PSD3: variants seen among roughly 807,000 people sequenced by gnomAD.
PSD3 encodes PH and SEC7 domain-containing protein 3.
Under a neutral mutation model 105.5 loss-of-function variants are expected in PSD3, and 49 were observed. The ratio of observed to expected loss-of-function variants is 0.46; its 90% CI spans 0.37 to 0.59. PSD3 has a LOEUF of 0.59. Among genes scored for constraint, PSD3 ranks in the 20% least tolerant of loss-of-function variants. PSD3 has a pLI of 0.00. For synonymous variants in PSD3, 557 were observed against 457.8 expected (o/e 1.22, Z -2.77); for missense variants, 1,561 against 1,263.8 (o/e 1.24, Z -3.57).
At chr8:18,543,608 ACT>A (rs1194209639) in intron 15 of PSD3, among the ~76,000 whole-genome samples, 1 of 150,812 alleles carries the variant, frequency 6.6e-6, no homozygotes, top group Non-Finnish European at 1.5e-5. Flanking sequence ...ACAGAGCGAG[ACT>A]CTCTCTCAAA....
At chr8:18,989,240 G>A (rs375486695) in intron 1 of PSD3, 1 of 152,242 alleles carries the variant, frequency 6.6e-6, no homozygotes, top group Middle Eastern at 3.4e-3. Flanking sequence ...TTTTGTTCTA[G>A]GACAATTTTT....
intron 1 of PSD3, among the ~76,000 whole-genome samples, chr8:19,072,105 CT>C (rs60783892): frequency 0.66 from 94,275 of 142,396 alleles, 31,096 homozygotes; most frequent in East Asian, 0.91. Flanking sequence ...AATATTTCTT[CT>C]TTTTTTTTTT....
intron 11 of PSD3, among the ~76,000 whole-genome samples, chr8:18,603,727 T>A (rs1167517133): frequency 6.6e-6 from 1 of 152,212 alleles, no homozygotes; most frequent in Non-Finnish European, 1.5e-5. Context: ...TTTAGCACCA[T>A]CCGCTTCTCG....
chr8:18,738,755 C>T (rs980228039), intron 9 of PSD3, among the ~76,000 whole-genome samples: 1 of 152,070 alleles, frequency 6.6e-6, no homozygotes, highest in Non-Finnish European at 1.5e-5. Context: ...ATAGCTTGAA[C>T]TGACTGATCA....
chr8:19,037,144 T>C (rs1827970405), intron 1 of PSD3, among the ~76,000 whole-genome samples: 1 of 152,254 alleles, frequency 6.6e-6, no homozygotes, highest in African/African-American at 2.4e-5. Flanking sequence ...CGCTTAAGCC[T>C]GAGGAATGAT....
intron 1 of PSD3, among the ~76,000 whole-genome samples, chr8:19,006,602 T>C (rs1563504123): frequency 6.6e-6 from 1 of 152,228 alleles, no homozygotes; most frequent in South Asian, 2.1e-4. Context: ...CGAATGTGAC[T>C]GTCTACCTTC....
At chr8:18,587,670 C>A (rs1001404538) in intron 12 of PSD3, among the ~76,000 whole-genome samples, 8 of 152,126 alleles carry the variant, frequency 5.3e-5, no homozygotes, top group Admixed American at 2.0e-4. Flanking sequence ...GCTTAGGGGG[C>A]CTTCTTCAGT....
rs543931809 is a variant in PSD3, at chr8:19,073,419, C to T, written c.324+10787G>A. On this transcript the variant is annotated intron_variant, in intron 1 of 1. Transcript: ENST00000521475. ...TACAAAAATGAGCCCAGCATGGTGG[C>T]ACACCCATGTAATCCCAGCTACTTG... is the stretch of plus-strand genomic sequence containing the variant. Among the ~76,000 whole-genome samples the T allele has an allele frequency of 4.6e-5, 7 of 152,074 alleles. No homozygotes were observed. The East Asian group carries it at 1.4e-3, about 30-fold the overall frequency.
intron 9 of PSD3, among the ~76,000 whole-genome samples, chr8:18,678,912 T>A (rs1369157235): frequency 1.3e-5 from 2 of 151,862 alleles, no homozygotes; most frequent in Admixed American, 1.3e-4. Context: ...ATGTTCAAAC[T>A]CTTGAAAATG....
At chr8:18,989,710 AT>A (rs1341353841) in intron 1 of PSD3, among the ~76,000 whole-genome samples, 2 of 152,186 alleles carry the variant, frequency 1.3e-5, no homozygotes, top group African/African-American at 4.8e-5. Context: ...ATCCTAACAA[AT>A]GGCACTTTTT....
chr8:19,025,140 A>G (rs10113188), intron 1 of PSD3, among the ~76,000 whole-genome samples: 3,298 of 152,250 alleles, frequency 0.022, 128 homozygotes, highest in African/African-American at 0.076. Flanking sequence ...ACCAGACTCA[A>G]CATGGTGCTG....
chr8:18,602,343 TAA>T (rs1343252217), intron 11 of PSD3, among the ~76,000 whole-genome samples: 1 of 152,156 alleles, frequency 6.6e-6, no homozygotes, highest in Admixed American at 6.5e-5. Context: ...AATGTGATTT[TAA>T]AAGTCACCCA....
intron 9 of PSD3, among the ~76,000 whole-genome samples, chr8:18,680,640 G>A (rs934890062): frequency 6.6e-6 from 1 of 152,004 alleles, no homozygotes; most frequent in African/African-American, 2.4e-5. Context: ...CATTATTATC[G>A]AGAAAAAGAC....
rs568745747 is a variant in PSD3, at chr8:18,529,578, T to A, written c.*6165A>T. The stretch of plus-strand genomic sequence containing the variant: ...GGAAAGCAACCACTTTACTGTCCCC[T>A]AAGCTTCAATTTGGTCTAATTACTC... On this transcript the variant is annotated 3_prime_UTR_variant, in exon 16 of 16. Coordinates refer to ENST00000327040, the MANE Select transcript of PSD3 (RefSeq NM_015310.4). The A allele has an allele frequency of 1.9e-4, 29 of 152,734 alleles. No homozygotes were observed. Among genetic ancestry groups the A allele is most frequent in the Admixed American group, 1.8e-3 (27 of 15,292 alleles). The allele number at this position is 152,734 out of a possible 1,614,324, so 9.5% of individuals were successfully genotyped here. A position where few individuals can be genotyped will look rare whatever the true frequency, so the allele number is the denominator to read the frequency against.
intron 7 of PSD3, 59 bp from the exon 8 acceptor site, chr8:18,799,412 T>G (rs996964100): frequency 7.9e-7 from 1 of 1,272,316 alleles, no homozygotes; most frequent in Admixed American, 1.7e-5. Flanking sequence ...GGACTCCACC[T>G]TATTATCACT....
chr8:18,593,839 C>T (rs1447908682), intron 12 of PSD3, among the ~76,000 whole-genome samples: 2 of 151,384 alleles, frequency 1.3e-5, no homozygotes, highest in African/African-American at 4.9e-5. Context: ...ATGGATGAAG[C>T]TGGAAACCAT....
chr8:19,074,882 C>A (rs11992183), intron 1 of PSD3, among the ~76,000 whole-genome samples: 45,016 of 150,284 alleles, frequency 0.3, 6,945 homozygotes, highest in South Asian at 0.39. Context: ...GGCCTCCCAA[C>A]GTGCTGGGAT....
intron 1 of PSD3, among the ~76,000 whole-genome samples, chr8:19,011,437 C>A: frequency 6.6e-6 from 1 of 152,164 alleles, no homozygotes. Context: ...TCAGGGCTGG[C>A]AAACAAATAT....
intron 1 of PSD3, among the ~76,000 whole-genome samples, chr8:19,078,071 C>T (rs1023637504): frequency 6.6e-6 from 1 of 152,166 alleles, no homozygotes; most frequent in South Asian, 2.1e-4. Context: ...TGCTCCGTTG[C>T]CCAGGCTGGA....
Sources: allele counts gnomAD v4.1 joint callset (sites outside exome capture counted in the v4.1 genomes callset), GRCh38; gene constraint gnomAD v4.1.1; transcripts MANE v1.5; gene names NCBI Gene and HGNC (gene_info 2026-07-23, HGNC 2026-07-21).